Variants in DPH6 observed in about 807,000 individuals in gnomAD.
DPH6 encodes the protein diphthamine biosynthesis 6, also known as diphthine--ammonia ligase.
DPH6 carries 33 observed loss-of-function variants against 38.2 expected under a neutral mutation model. That is an observed-to-expected ratio of 0.86 (90% CI 0.65 to 1.15). The LOEUF (loss-of-function observed/expected upper bound fraction) is 1.15. DPH6 is among the 50% of genes most tolerant of loss of function. The probability of loss-of-function intolerance (pLI) is 0.00; values close to 1 mark genes in which losing one functional copy is unlikely to be tolerated. For missense variants in DPH6, 325 were observed against 320.0 expected (o/e 1.02, Z -0.12); for synonymous variants, 108 against 103.0 (o/e 1.05, Z -0.30).
chr15:35,450,425 T>C (rs1441818302), intron 5 of DPH6, among the ~76,000 whole-genome samples: 1 of 136,924 alleles, frequency 7.3e-6, no homozygotes, highest in Admixed American at 7.2e-5. Context: ...AGGACTATAA[T>C]ACAATATCAG....
chr15:35,330,527 T>G (rs1423832408), downstream of DPH6, among the ~76,000 whole-genome samples: 2 of 152,142 alleles, frequency 1.3e-5, no homozygotes, highest in Non-Finnish European at 2.9e-5. Context: ...GACCTAATCT[T>G]AGATGCCAAA....
At chr15:35,397,871 A>T (rs891922111) in intron 6 of DPH6, among the ~76,000 whole-genome samples, 13 of 142,310 alleles carry the variant, frequency 9.1e-5, no homozygotes, top group South Asian at 2.3e-4. Flanking sequence ...ATATATATAC[A>T]CACACACACA....
chr15:35,520,531 G>A (rs1341334626), intron 3 of DPH6: 1 of 983,586 alleles, frequency 1.0e-6, no homozygotes, highest in Non-Finnish European at 1.2e-6. Context: ...CAGTGTCAAA[G>A]GTACTTTCAG....
At chr15:35,432,794 A>G (rs1338647170) in intron 5 of DPH6, among the ~76,000 whole-genome samples, 1 of 152,208 alleles carries the variant, frequency 6.6e-6, no homozygotes. Flanking sequence ...AGGGTTCAAT[A>G]GGAAAGTCAT....
chr15:35,231,702 T>C (rs1964177005), intron 3 of DPH6, among the ~76,000 whole-genome samples: 1 of 152,206 alleles, frequency 6.6e-6, no homozygotes, highest in African/African-American at 2.4e-5. Flanking sequence ...GGCTTAGTTC[T>C]GCAAGCTGTA....
intron 3 of DPH6, among the ~76,000 whole-genome samples, chr15:35,344,630 T>A (rs1832694978): frequency 6.6e-6 from 1 of 151,906 alleles, no homozygotes; most frequent in Admixed American, 6.6e-5. Context: ...AAATAGCATA[T>A]GATATAATAC....
At chr15:35,174,508 T>A in the DPH6 span, among the ~76,000 whole-genome samples, 1 of 152,110 alleles carries the variant, frequency 6.6e-6, no homozygotes, top group Admixed American at 6.5e-5. Context: ...ACAGAAAAAC[T>A]AGATGGTCCT....
At position 35,241,718 on chromosome 15, in the gene DPH6, C is replaced by A. The variant is rs570355477; in HGVS notation, n.201-21136G>T. On this transcript the variant is annotated intron_variant and non_coding_transcript_variant, in intron 3 of 3. Transcript: ENST00000560386. The stretch of plus-strand genomic sequence containing the variant: ...TTGTCGACCGATCATGCACCCCTTA[C>A]CATCTCATTAAAACCTAATCACCCT... Among the ~76,000 whole-genome samples the A allele has an allele frequency of 2.5e-3, 360 of 142,368 alleles. 36 individuals carry two copies. Among genetic ancestry groups the A allele is most frequent in the African/African-American group, 8.9e-3 (351 of 39,382 alleles). 93.4% of individuals were successfully genotyped at this position (142,368 alleles called of 152,430 possible).
At chr15:35,197,569 G>A in the DPH6 span, among the ~76,000 whole-genome samples, 2 of 152,152 alleles carry the variant, frequency 1.3e-5, no homozygotes, top group African/African-American at 4.8e-5. Flanking sequence ...TCAAAGGGTG[G>A]CAATGAATCT....
downstream of DPH6, among the ~76,000 whole-genome samples, chr15:35,215,011 C>T (rs1452791471): frequency 6.6e-6 from 1 of 152,194 alleles, no homozygotes; most frequent in Non-Finnish European, 1.5e-5. Context: ...CAGATTAGGC[C>T]AGCCCTCTGC....
rs1345310547 is a variant in DPH6 at position 35,431,955 on chromosome 15, T to C, written c.505+18730A>G. Among the ~76,000 whole-genome samples, 4 of 152,166 alleles carry C rather than the reference T, an allele frequency of 2.6e-5. No individual in the cohort carries two copies. The East Asian group carries it at 7.7e-4, about 29-fold the overall frequency. On this transcript the variant is annotated intron_variant, in intron 5 of 8. Transcript: ENST00000256538. ...GGCGCCGGCCACAACACCCAGCTAA[T>C]TTCACTTGGCAAACTTTTGACAAAT...
chr15:35,344,278 C>G (rs2052444774), intron 3 of DPH6, among the ~76,000 whole-genome samples: 1 of 152,100 alleles, frequency 6.6e-6, no homozygotes, highest in East Asian at 1.9e-4. Context: ...TGTTCTCTGC[C>G]TTTAGAAAAA....
At chr15:35,357,306 C>T (rs916796151) in intron 3 of DPH6, among the ~76,000 whole-genome samples, 1 of 152,374 alleles carries the variant, frequency 6.6e-6, no homozygotes, top group Middle Eastern at 3.4e-3. Flanking sequence ...CACTGTCCGA[C>T]ACTCCCCAGT....
intron 6 of DPH6, among the ~76,000 whole-genome samples, chr15:35,397,868 TACACACACACACACACAC>T (rs57530358): frequency 2.3e-5 from 2 of 87,252 alleles, no homozygotes; most frequent in Non-Finnish European, 4.8e-5. Context: ...TTTATATATA[TACACACACACACACACAC>T]ACACACACAC....
At chr15:35,469,004 G>A (rs1157074677) in intron 3 of DPH6, among the ~76,000 whole-genome samples, 2 of 152,052 alleles carry the variant, frequency 1.3e-5, no homozygotes, top group African/African-American at 4.8e-5. Context: ...GGAGGCGGAG[G>A]TTGCAGTGAG....
intron 3 of DPH6, among the ~76,000 whole-genome samples, chr15:35,528,173 C>T (rs2055033526): frequency 6.6e-6 from 1 of 152,078 alleles, no homozygotes; most frequent in Admixed American, 6.6e-5. Flanking sequence ...TTCTGTGAAT[C>T]CACACTAGGT....
intron 6 of DPH6, among the ~76,000 whole-genome samples, chr15:35,388,463 A>T (rs1344695568): frequency 6.6e-6 from 1 of 152,184 alleles, no homozygotes; most frequent in Non-Finnish European, 1.5e-5. Flanking sequence ...CTGTGAATCC[A>T]TCTGGTCCTG....
intron 3 of DPH6, among the ~76,000 whole-genome samples, chr15:35,487,914 C>T (rs531123172): frequency 6.6e-4 from 101 of 152,286 alleles, no homozygotes; most frequent in African/African-American, 2.4e-3. Context: ...TTAGAAACAG[C>T]CAGGTCACAT....
intron 3 of DPH6, among the ~76,000 whole-genome samples, chr15:35,467,553 G>C (rs2054142758): frequency 6.6e-6 from 1 of 152,148 alleles, no homozygotes; most frequent in South Asian, 2.1e-4. Flanking sequence ...GCAACAGGGT[G>C]AGACTCCATC....
Sources: allele counts gnomAD v4.1 joint callset (sites outside exome capture counted in the v4.1 genomes callset), GRCh38; gene constraint gnomAD v4.1.1; transcripts MANE v1.5; gene names NCBI Gene and HGNC (gene_info 2026-07-23, HGNC 2026-07-21).